Variants in CLCN3 observed in about 807,000 individuals in gnomAD.
CLCN3 encodes the protein Cl-/H+ antiporter 3, also known as H(+)/Cl(-) exchange transporter 3.
Under a neutral mutation model 83.4 loss-of-function variants are expected in CLCN3, and 16 were observed. The observed-to-expected ratio is 0.19, with a 90% CI of 0.13 to 0.29. The LOEUF is 0.29. Among genes scored for constraint, CLCN3 ranks in the 10% least tolerant of loss-of-function variants. CLCN3 has a pLI of 1.00. For missense variants in CLCN3, 544 were observed against 1,006.0 expected (o/e 0.54, Z 6.21); for synonymous variants, 322 against 346.2 (o/e 0.93, Z 0.78).
intron 1 of CLCN3, among the ~76,000 whole-genome samples, chr4:169,633,697 G>C (rs1350494082): frequency 6.6e-6 from 1 of 152,086 alleles, no homozygotes; most frequent in East Asian, 1.9e-4. Flanking sequence ...AAAAGAAAGT[G>C]GTGAGATTCA....
intron 2 of CLCN3, among the ~76,000 whole-genome samples, chr4:169,636,988 G>A (rs977386626): frequency 6.6e-6 from 1 of 151,558 alleles, no homozygotes; most frequent in African/African-American, 2.4e-5. Flanking sequence ...ATTTCTACTA[G>A]CAATGTGTGA....
intron 2 of CLCN3, chr4:169,659,949 T>C: frequency 1.5e-6 from 1 of 680,338 alleles, no homozygotes; most frequent in Non-Finnish European, 1.8e-6. Flanking sequence ...TGTATTACTT[T>C]TTCCCCTTTA....
At chr4:169,683,507 A>G (rs1732026991) in intron 3 of CLCN3, among the ~76,000 whole-genome samples, 1 of 152,146 alleles carries the variant, frequency 6.6e-6, no homozygotes, top group Non-Finnish European at 1.5e-5. Context: ...TCCAAAACAA[A>G]CAAAAAACAC....
At position 169,635,901 on chromosome 4, in the gene CLCN3, T is replaced by C. The variant is rs775886629; in HGVS notation, c.-16-12T>C. 86 of 1,506,522 alleles carry C rather than the reference T, an allele frequency of 5.7e-5. No homozygotes were observed. The Admixed American group carries it at 8.2e-4, about 14-fold the overall frequency. The allele number at this position is 1,506,522 out of a possible 1,614,324, so 93.3% of individuals were successfully genotyped here. On this transcript the variant is annotated splice_polypyrimidine_tract_variant and intron_variant, in intron 1 of 12. Coordinates refer to ENST00000513761, the MANE Select transcript of CLCN3 (RefSeq NM_001829.4). ...TTTGAAAAATGTTAAAACTACTTTT[T>C]CCCCCCCACAGATAATCAGACAGCT...
chr4:169,715,902 G>C (rs181598294), intron 12 of CLCN3, among the ~76,000 whole-genome samples: 17 of 152,226 alleles, frequency 1.1e-4, no homozygotes, highest in African/African-American at 3.9e-4. Flanking sequence ...GAACTCCTCA[G>C]AACTTATAAT....
At chr4:169,625,901 T>C (rs1374964004) in intron 1 of CLCN3, among the ~76,000 whole-genome samples, 1 of 151,966 alleles carries the variant, frequency 6.6e-6, no homozygotes, top group Non-Finnish European at 1.5e-5. Context: ...TGCTTGGGGG[T>C]TTCTCCCCCC....
chr4:169,686,477 C>T (rs1732162074), intron 3 of CLCN3, among the ~76,000 whole-genome samples: 1 of 150,598 alleles, frequency 6.6e-6, no homozygotes, highest in Non-Finnish European at 1.5e-5. Context: ...AGTGCAGTGG[C>T]ACGATCTCTG....
chr4:169,653,689 A>G (rs187889761), intron 2 of CLCN3, among the ~76,000 whole-genome samples: 1 of 150,344 alleles, frequency 6.7e-6, no homozygotes, highest in Admixed American at 6.6e-5. Flanking sequence ...TGCAGGCTGT[A>G]TAGGAAGCAT....
intron 2 of CLCN3, among the ~76,000 whole-genome samples, chr4:169,668,010 A>C: frequency 7.2e-6 from 1 of 138,572 alleles, no homozygotes; most frequent in Non-Finnish European, 1.5e-5. Flanking sequence ...AAGTTCTGAG[A>C]TTACAGGTGT....
chr4:169,662,955 T>C (rs1731106445), intron 2 of CLCN3, among the ~76,000 whole-genome samples: 1 of 152,180 alleles, frequency 6.6e-6, no homozygotes, highest in Non-Finnish European at 1.5e-5. Context: ...TTTTACACTT[T>C]TTCTTCTTAA....
At chr4:169,659,804 C>CA (rs1730989062) in intron 2 of CLCN3, among the ~76,000 whole-genome samples, 1 of 151,964 alleles carries the variant, frequency 6.6e-6, no homozygotes, top group South Asian at 2.1e-4. Flanking sequence ...GGCTATGACT[C>CA]ACATGACATT....
chr4:169,635,638 A>G (rs566774783), intron 1 of CLCN3, among the ~76,000 whole-genome samples: 6 of 152,254 alleles, frequency 3.9e-5, no homozygotes, highest in Middle Eastern at 3.4e-3. Flanking sequence ...AGACAAATCT[A>G]TACATACACA....
chr4:169,721,890 C>T lies in CLCN3; in HGVS notation c.*1893C>T, dbSNP rs368067707. On this transcript the variant is annotated 3_prime_UTR_variant, in exon 13 of 13. Coordinates refer to ENST00000513761, the MANE Select transcript of CLCN3 (RefSeq NM_001829.4). ...AGTGCAGTGGGGCATGGTCTTGGCT[C>T]ACTGCAGCGTTGACCACCTGGGCTC... The T allele has an allele frequency of 6.6e-6, 1 of 152,074 alleles. No individual in the cohort carries two copies. Among genetic ancestry groups the T allele is most frequent in the Non-Finnish European group, 1.5e-5 (1 of 68,038 alleles). 9.4% of individuals were successfully genotyped at this position (152,074 alleles called of 1,614,324 possible). A position where few individuals can be genotyped will look rare whatever the true frequency, so the allele number is the denominator to read the frequency against.
chr4:169,693,567 T>C (rs1014380219), intron 7 of CLCN3, among the ~76,000 whole-genome samples: 8 of 149,856 alleles, frequency 5.3e-5, no homozygotes, highest in African/African-American at 1.9e-4. Context: ...AAGTCTGTGG[T>C]CTTACCTACT....
At chr4:169,626,818 T>C (rs1773247330) in intron 1 of CLCN3, among the ~76,000 whole-genome samples, 1 of 152,152 alleles carries the variant, frequency 6.6e-6, no homozygotes, top group Admixed American at 6.5e-5. Context: ...TCTCTACTTA[T>C]ATAAAATTAA....
At chr4:169,632,465 C>CA (rs1362795792) in intron 1 of CLCN3, among the ~76,000 whole-genome samples, 4 of 152,084 alleles carry the variant, frequency 2.6e-5, no homozygotes, top group East Asian at 1.9e-4. Flanking sequence ...CGCGGTGGCT[C>CA]AGGCCTGTAA....
intron 2 of CLCN3, among the ~76,000 whole-genome samples, chr4:169,656,529 C>A (rs1443000405): frequency 6.6e-6 from 1 of 152,154 alleles, no homozygotes; most frequent in Non-Finnish European, 1.5e-5. Flanking sequence ...TTGGGGATTA[C>A]AATGCAACAT....
intron 2 of CLCN3, among the ~76,000 whole-genome samples, chr4:169,671,618 A>G (rs1226507368): frequency 1.3e-5 from 2 of 152,236 alleles, no homozygotes; most frequent in East Asian, 3.8e-4. Context: ...TTTAAAAAAA[A>G]AGAATTTTTC....
chr4:169,686,414 A>G (rs926203558), intron 3 of CLCN3, among the ~76,000 whole-genome samples: 2 of 149,788 alleles, frequency 1.3e-5, no homozygotes, highest in African/African-American at 4.9e-5. Context: ...TGGGCTGAAA[A>G]TTGACTTTTT....
Sources: allele counts gnomAD v4.1 joint callset (sites outside exome capture counted in the v4.1 genomes callset), GRCh38; gene constraint gnomAD v4.1.1; transcripts MANE v1.5; gene names NCBI Gene and HGNC (gene_info 2026-07-23, HGNC 2026-07-21).